The following PPM1L variants were observed in gnomAD, a reference collection of about 807,000 sequenced individuals.
PPM1L encodes the protein protein phosphatase 1L.
Under a neutral mutation model 31.4 loss-of-function variants are expected in PPM1L, and 13 were observed. The ratio of observed to expected loss-of-function variants is 0.41; its 90% confidence interval spans 0.27 to 0.66. PPM1L has a LOEUF of 0.66. Ranked by LOEUF, PPM1L falls within the 30% of genes least tolerant of loss-of-function variation. The pLI is 0.29. For synonymous variants in PPM1L, 184 were observed against 175.4 expected (o/e 1.05, Z -0.39); for missense variants, 326 against 453.7 (o/e 0.72, Z 2.56).
chr3:160,850,325 A>G (rs1221596848), intron 1 of PPM1L, among the ~76,000 whole-genome samples: 1 of 152,232 alleles, frequency 6.6e-6, no homozygotes, highest in African/African-American at 2.4e-5. Context: ...CAGTTTCAGT[A>G]CACTGATGGG....
At chr3:161,049,362 T>C (rs1580253) in intron 2 of PPM1L, among the ~76,000 whole-genome samples, 75,500 of 152,010 alleles carry the variant, frequency 0.5, 20,694 homozygotes, top group African/African-American at 0.73. Flanking sequence ...ACATGATGCT[T>C]AAAGGAAATG....
intron 2 of PPM1L, among the ~76,000 whole-genome samples, chr3:160,973,633 G>A (rs1716429511): frequency 6.6e-6 from 1 of 152,102 alleles, no homozygotes; most frequent in African/African-American, 2.4e-5. Context: ...TTGACTCTCA[G>A]ACTCTGAAGA....
intron 2 of PPM1L, among the ~76,000 whole-genome samples, chr3:160,981,718 A>G (rs1553752014): frequency 6.8e-6 from 1 of 147,178 alleles, no homozygotes; most frequent in Non-Finnish European, 1.5e-5. Flanking sequence ...TACTATTATC[A>G]CCTTTCCTTC....
At chr3:161,057,265 C>T (rs1169427548) in intron 2 of PPM1L, among the ~76,000 whole-genome samples, 1 of 152,076 alleles carries the variant, frequency 6.6e-6, no homozygotes, top group East Asian at 1.9e-4. Flanking sequence ...CATCCCTTCC[C>T]TCCTCCGCCT....
rs142904360 is a variant in PPM1L, at chr3:160,806,043, T to G, written c.399+49336T>G. Among the ~76,000 whole-genome samples, 416 of 152,278 alleles carry G rather than the reference T, an allele frequency of 2.7e-3. 1 individual carries two copies. The highest frequency in any genetic ancestry group is 9.6e-3 in the African/African-American group (401 of 41,560). Reference sequence around the variant, plus strand: ...TGACAGTTTGCCATACCAACTGATGTCTCACACTCAGCCTGCTTGGCCCAT... The same window carrying G: ...TGACAGTTTGCCATACCAACTGATGGCTCACACTCAGCCTGCTTGGCCCAT... On this transcript the variant is annotated intron_variant, in intron 1 of 3. Transcript: ENST00000498165.
intron 1 of PPM1L, among the ~76,000 whole-genome samples, chr3:160,851,455 C>A (rs1711519195): frequency 6.6e-6 from 1 of 152,074 alleles, no homozygotes; most frequent in African/African-American, 2.4e-5. Context: ...CCAGTGGATT[C>A]CGTGGCTGCT....
At chr3:160,942,799 A>T (rs978981206) in intron 1 of PPM1L, among the ~76,000 whole-genome samples, 1 of 152,200 alleles carries the variant, frequency 6.6e-6, no homozygotes, top group Non-Finnish European at 1.5e-5. Context: ...AACATCATAG[A>T]TATAAAGCTA....
intron 2 of PPM1L, among the ~76,000 whole-genome samples, chr3:160,969,099 T>C (rs1716242465): frequency 6.6e-6 from 1 of 152,308 alleles, no homozygotes; most frequent in East Asian, 1.9e-4. Context: ...CATTTATAAG[T>C]GTCAGGCAGT....
At chr3:161,038,459 G>A (rs1158975122) in intron 2 of PPM1L, among the ~76,000 whole-genome samples, 3 of 151,676 alleles carry the variant, frequency 2.0e-5, no homozygotes, top group Non-Finnish European at 4.4e-5. Flanking sequence ...CTACAAGCAT[G>A]TGCCATCATG....
intron 1 of PPM1L, among the ~76,000 whole-genome samples, chr3:160,927,555 A>T (rs1714637572): frequency 2.0e-5 from 3 of 151,890 alleles, no homozygotes. Context: ...ATATTATGTG[A>T]TTTTTATACC....
At chr3:160,834,154 G>C (rs1005792336) in intron 1 of PPM1L, among the ~76,000 whole-genome samples, 3 of 151,444 alleles carry the variant, frequency 2.0e-5, no homozygotes, top group Non-Finnish European at 4.4e-5. Context: ...CTCCCAAGTA[G>C]CTGGGACTAC....
At chr3:160,758,801 AGAT>A (rs1714885725) in intron 1 of PPM1L, among the ~76,000 whole-genome samples, 2 of 152,356 alleles carry the variant, frequency 1.3e-5, no homozygotes, top group South Asian at 4.1e-4. Flanking sequence ...GCAAATGAAA[AGAT>A]GATAATCTTT....
At chr3:160,900,742 C>A (rs555598136) in intron 1 of PPM1L, among the ~76,000 whole-genome samples, 4 of 152,080 alleles carry the variant, frequency 2.6e-5, no homozygotes, top group Non-Finnish European at 5.9e-5. Context: ...CCATTTCTTG[C>A]CTGCTATACA....
chr3:161,004,154 G>T (rs1485868764), intron 2 of PPM1L, among the ~76,000 whole-genome samples: 31 of 145,404 alleles, frequency 2.1e-4, no homozygotes, highest in African/African-American at 7.7e-4. Context: ...ATTGATTTGC[G>T]TATATTGAAC....
chr3:161,021,976 AT>A (rs1718246520), intron 2 of PPM1L, among the ~76,000 whole-genome samples: 1 of 152,008 alleles, frequency 6.6e-6, no homozygotes, highest in African/African-American at 2.4e-5. Context: ...TTTTATTAGA[AT>A]TTTTAATTCA....
chr3:161,059,422 C>T (rs1268052560), intron 2 of PPM1L, among the ~76,000 whole-genome samples: 3 of 152,126 alleles, frequency 2.0e-5, no homozygotes, highest in African/African-American at 7.2e-5. Context: ...CATCTGATAG[C>T]TCTTTTTATG....
At chr3:160,758,725 G>A (rs1332593729) in intron 1 of PPM1L, among the ~76,000 whole-genome samples, 1 of 152,142 alleles carries the variant, frequency 6.6e-6, no homozygotes, top group Non-Finnish European at 1.5e-5. Context: ...AAAGGGACAC[G>A]ATAAATGCTT....
chr3:160,899,104 T>C (rs1461645542), intron 1 of PPM1L, among the ~76,000 whole-genome samples: 1 of 152,134 alleles, frequency 6.6e-6, no homozygotes, highest in Non-Finnish European at 1.5e-5. Flanking sequence ...ACTGAATAGA[T>C]GATAGTAGCC....
intron 2 of PPM1L, among the ~76,000 whole-genome samples, chr3:161,017,942 CT>C (rs975035057): frequency 2.6e-5 from 4 of 152,208 alleles, no homozygotes; most frequent in African/African-American, 9.6e-5. Context: ...AAAATTTCCC[CT>C]ATTACCCTAA....
Sources: gnomAD v4.1 joint callset for allele counts (sites outside exome capture counted in the v4.1 genomes callset) on GRCh38, gnomAD v4.1.1 for gene constraint, MANE v1.5 for transcripts, NCBI Gene and HGNC (gene_info 2026-07-23, HGNC 2026-07-21) for gene names.